The following AOAH variants were observed in gnomAD, a reference collection of about 807,000 sequenced individuals.
AOAH encodes the protein acyloxyacyl hydrolase, also known as acyloxyacyl hydrolase (neutrophil).
AOAH carries 64 observed loss-of-function variants against 92.2 expected under a neutral mutation model. The ratio of observed to expected loss-of-function variants is 0.69; its 90% CI spans 0.57 to 0.86. The LOEUF is 0.86. Ranked by LOEUF, AOAH falls within the 40% of genes least tolerant of loss-of-function variation. The probability of loss-of-function intolerance (pLI) is 0.00; values close to 1 mark genes in which losing one functional copy is unlikely to be tolerated. For missense variants in AOAH, 656 were observed against 694.6 expected, an observed-to-expected ratio of 0.94 and a Z score of 0.62; for synonymous variants, 263 against 254.5, an observed-to-expected ratio of 1.03 and a Z score of -0.32.
intron 16 of AOAH, among the ~76,000 whole-genome samples, chr7:36,537,323 G>T (rs930787549): frequency 2.0e-5 from 3 of 148,992 alleles, no homozygotes; most frequent in Non-Finnish European, 4.4e-5. Context: ...TGCTGTACAT[G>T]CTAGGGTGTG....
chr7:36,617,579 C>T (rs956224176), intron 10 of AOAH, among the ~76,000 whole-genome samples: 7 of 152,108 alleles, frequency 4.6e-5, no homozygotes, highest in Non-Finnish European at 7.3e-5. Context: ...CAGAAAATAC[C>T]TGTTGAATGA....
intron 6 of AOAH, among the ~76,000 whole-genome samples, chr7:36,625,122 G>A (rs530977033): frequency 6.6e-6 from 1 of 152,214 alleles, no homozygotes; most frequent in East Asian, 1.9e-4. Context: ...GGAGCTGCAA[G>A]CTGATGTCTC....
At chr7:36,630,939 T>A (rs898917371) in intron 6 of AOAH, among the ~76,000 whole-genome samples, 2 of 152,190 alleles carry the variant, frequency 1.3e-5, no homozygotes, top group Non-Finnish European at 1.5e-5. Context: ...AACCCTTACC[T>A]CATTTTATTG....
intron 13 of AOAH, among the ~76,000 whole-genome samples, chr7:36,560,218 T>C (rs1406970611): frequency 1.3e-5 from 2 of 151,464 alleles, no homozygotes; most frequent in African/African-American, 4.8e-5. Context: ...TATTCAGGCT[T>C]TTTTTTGGTT....
chr7:36,592,058 T>C (rs1378772056), intron 12 of AOAH, among the ~76,000 whole-genome samples: 1 of 152,194 alleles, frequency 6.6e-6, no homozygotes, highest in Non-Finnish European at 1.5e-5. Flanking sequence ...AGTCAATATG[T>C]AAAAATTTAA....
At chr7:36,694,369 G>A (rs1392794741) in intron 1 of AOAH, among the ~76,000 whole-genome samples, 1 of 152,042 alleles carries the variant, frequency 6.6e-6, no homozygotes, top group Non-Finnish European at 1.5e-5. Flanking sequence ...GTGGTGGCAT[G>A]CACCTGTAAT....
intron 4 of AOAH, among the ~76,000 whole-genome samples, chr7:36,644,672 A>G (rs1036170560): frequency 2.0e-5 from 3 of 152,212 alleles, no homozygotes; most frequent in African/African-American, 7.2e-5. Flanking sequence ...ATTCTGGTAC[A>G]CTTAGAAAGG....
chr7:36,590,122 T>A (rs1789641218), intron 12 of AOAH, among the ~76,000 whole-genome samples: 1 of 151,324 alleles, frequency 6.6e-6, no homozygotes, highest in African/African-American at 2.4e-5. Flanking sequence ...CCAGGCTAAT[T>A]AAAAAAAAAT....
chr7:36,596,801 A>G (rs977570445), intron 11 of AOAH, among the ~76,000 whole-genome samples: 5 of 152,314 alleles, frequency 3.3e-5, no homozygotes, highest in Non-Finnish European at 7.4e-5. Context: ...AGCTTGTGGT[A>G]CTTTGATATG....
At chr7:36,542,618 T>C (rs1387316642) in intron 15 of AOAH, among the ~76,000 whole-genome samples, 1 of 152,240 alleles carries the variant, frequency 6.6e-6, no homozygotes. Context: ...GGCTTAACTT[T>C]TGACCTTGGA....
chr7:36,713,186 G>C (rs190163813), intron 1 of AOAH, among the ~76,000 whole-genome samples: 2 of 152,084 alleles, frequency 1.3e-5, no homozygotes, highest in Non-Finnish European at 2.9e-5. Context: ...AATCCTAGTC[G>C]CTGATAAAAC....
intron 1 of AOAH, among the ~76,000 whole-genome samples, chr7:36,714,809 G>T (rs1799018632): frequency 6.6e-6 from 1 of 152,082 alleles, no homozygotes; most frequent in African/African-American, 2.4e-5. Context: ...AATAAATTAG[G>T]TATTGATGGG....
At chr7:36,573,477 G>A (rs1010502835) in intron 13 of AOAH, among the ~76,000 whole-genome samples, 7 of 152,188 alleles carry the variant, frequency 4.6e-5, no homozygotes, top group African/African-American at 1.7e-4. Context: ...CAGCGTTTTG[G>A]GAGGCCGAGG....
intron 1 of AOAH, among the ~76,000 whole-genome samples, chr7:36,710,099 C>T (rs1798665911): frequency 6.6e-6 from 1 of 152,096 alleles, no homozygotes; most frequent in Admixed American, 6.6e-5. Context: ...TCCTGATGAA[C>T]ACATCTTACT....
chr7:36,683,699 AG>A (rs1268948644), intron 2 of AOAH, among the ~76,000 whole-genome samples: 3 of 146,400 alleles, frequency 2.0e-5, no homozygotes, highest in African/African-American at 7.3e-5. Context: ...GAAGACATTA[AG>A]AAAAAAATAT....
intron 19 of AOAH, among the ~76,000 whole-genome samples, chr7:36,527,818 G>A (rs1784482883): frequency 6.6e-6 from 1 of 152,186 alleles, no homozygotes; most frequent in East Asian, 1.9e-4. Flanking sequence ...CCCACATGGG[G>A]TGGGTTTCTG....
intron 12 of AOAH, among the ~76,000 whole-genome samples, chr7:36,588,853 T>A (rs185795002): frequency 1.3e-5 from 2 of 152,322 alleles, no homozygotes; most frequent in East Asian, 1.9e-4. Context: ...ATTTGCTACA[T>A]CTTTGGTTCA....
chr7:36,568,498 TAA>T (rs1292678762), intron 13 of AOAH, among the ~76,000 whole-genome samples: 3 of 152,202 alleles, frequency 2.0e-5, no homozygotes, highest in African/African-American at 7.2e-5. Context: ...ATTGGGCACC[TAA>T]GTCATTGTCC....
At chr7:36,594,506 G>T in intron 11 of AOAH, 76 bp from the exon 12 acceptor site, 1 of 1,209,906 alleles carries the variant, frequency 8.3e-7, no homozygotes, top group Non-Finnish European at 1.2e-6. Context: ...TTCATGGCCT[G>T]AGTGTTGCTC....
Sources: gnomAD v4.1 joint callset for allele counts (sites outside exome capture counted in the v4.1 genomes callset) on GRCh38, gnomAD v4.1.1 for gene constraint, MANE v1.5 for transcripts, NCBI Gene and HGNC (gene_info 2026-07-23, HGNC 2026-07-21) for gene names.